The following LRP1B variants were observed in gnomAD, a reference collection of about 807,000 sequenced individuals.
The protein encoded by LRP1B is LDL receptor related protein 1B.
In LRP1B, 217 loss-of-function variants were observed where a neutral mutation model predicts 556.6. The observed-to-expected ratio is 0.39, with a 90% CI of 0.35 to 0.44. The LOEUF is 0.44. LRP1B is among the 20% of genes least tolerant of loss of function. The pLI is 1.00. For synonymous variants in LRP1B, 2,047 were observed against 1,865.8 expected (o/e 1.10, Z -2.50); for missense variants, 5,053 against 5,620.8 (o/e 0.90, Z 3.23).
intron 2 of LRP1B, among the ~76,000 whole-genome samples, chr2:141,661,659 C>T (rs1002720728): frequency 5.9e-5 from 9 of 152,136 alleles, no homozygotes; most frequent in African/African-American, 2.2e-4. Context: ...AGAACAAAAC[C>T]TGCAAGAACT....
At chr2:140,248,088 T>G (rs1269154730) in intron 86 of LRP1B, among the ~76,000 whole-genome samples, 2 of 151,648 alleles carry the variant, frequency 1.3e-5, no homozygotes, top group African/African-American at 4.8e-5. Flanking sequence ...TGGGCCAAAC[T>G]AAATAACTGC....
At chr2:140,470,418 C>T (rs532290277) in intron 60 of LRP1B, among the ~76,000 whole-genome samples, 30 of 151,766 alleles carry the variant, frequency 2.0e-4, no homozygotes, top group African/African-American at 5.6e-4. Flanking sequence ...CCTAGGCGGG[C>T]GAAAATCAAG....
At chr2:140,351,651 T>A (rs1270521112) in intron 76 of LRP1B, among the ~76,000 whole-genome samples, 1 of 151,770 alleles carries the variant, frequency 6.6e-6, no homozygotes, top group African/African-American at 2.4e-5. Context: ...CTAATGTCAT[T>A]TTCATACTAA....
Position 141,477,297 on chromosome 2 carries a change from G to GAAAA in LRP1B, c.343+3098_343+3099insTTTT, listed in dbSNP as rs113202103. 1.4e-3 allele frequency among the ~76,000 whole-genome samples: 197 copies of GAAAA among 143,782 alleles called. 1 individual carries two copies. The highest frequency in any genetic ancestry group is 4.5e-3 in the African/African-American group (176 of 38,874). 94.3% of individuals were successfully genotyped at this position (143,782 alleles called of 152,430 possible). On this transcript the variant is annotated intron_variant, in intron 3 of 90. Transcript: ENST00000389484. ...TAACCGAGTTAGACAGAATTGTTCT[G>GAAAA]GAAAAAAAAAAAAAAGAAAGAATTT...
chr2:141,937,310 G>A (rs928033998), intron 1 of LRP1B, among the ~76,000 whole-genome samples: 1 of 151,762 alleles, frequency 6.6e-6, no homozygotes, highest in Non-Finnish European at 1.5e-5. Flanking sequence ...GCCAGGAGGT[G>A]GAAGGCGGAG....
At chr2:140,488,640 C>CT (rs1688575360) in intron 57 of LRP1B, among the ~76,000 whole-genome samples, 1 of 152,010 alleles carries the variant, frequency 6.6e-6, no homozygotes, top group South Asian at 2.1e-4. Flanking sequence ...TATACATTTA[C>CT]TACCTTAAGG....
chr2:140,709,022 C>A (rs958860069), intron 37 of LRP1B, among the ~76,000 whole-genome samples: 1 of 152,110 alleles, frequency 6.6e-6, no homozygotes, highest in African/African-American at 2.4e-5. Context: ...AGGTGTTAAA[C>A]TGTCAACCAA....
At position 140,364,766 on chromosome 2, in the gene LRP1B, C is replaced by T. The variant is rs1425649289; in HGVS notation, c.11026G>A (p.Ala3676Thr). The T allele has an allele frequency of 1.4e-5, 23 of 1,609,604 alleles. No homozygotes were observed. The highest frequency in any genetic ancestry group is 2.0e-5 in the Non-Finnish European group (23 of 1,177,154). Residue 3676 changes from alanine (A) to threonine (T), a missense_variant, in exon 72 of 91, where the codon GCT (alanine) becomes ACT (threonine). By Grantham distance (58) the Ala-to-Thr change is moderately conservative (BLOSUM62 0). Around this residue, in one of 5 missense-constraint regions of LRP1B, gnomAD observed 599 missense variants for 648.4 expected, o/e 0.92. Coordinates refer to ENST00000389484, the MANE Select transcript of LRP1B (RefSeq NM_018557.3). ...NCERGGNICR[A>T]DEFLCNNSLC... ...GAATTATTGCAAAGGAACTCATCAG[C>T]TCTACATATATTTCCTCCTTTATTT... is the stretch of plus-strand genomic sequence containing the variant.
Position 140,702,431 on chromosome 2 carries a change from T to A in LRP1B, c.6146A>T (p.Tyr2049Phe), listed in dbSNP as rs773179051. Residue 2049 changes from tyrosine (Y) to phenylalanine (F), a missense_variant, in exon 38 of 91, where the codon TAT becomes TTT. This residue lies in a region of LRP1B where 3,619 missense variants were observed against 3,931.9 expected (regional missense o/e 0.92). Transcript: ENST00000389484. ...CTGAAAAGAAATCCAACAGACCTCA[T>A]AGTCGATGGAGATGCCATTCGGCCA... Reference protein sequence around the residue: ...IAWPNGISIDYEENKLYWCDA... With the variant: ...IAWPNGISIDFEENKLYWCDA... 18 of 1,613,478 alleles carry A rather than the reference T, an allele frequency of 1.1e-5. No individual in the cohort carries two copies. The South Asian group carries it at 2.0e-4, about 18-fold the overall frequency.
intron 3 of LRP1B, among the ~76,000 whole-genome samples, chr2:141,420,955 T>C (rs1680113199): frequency 6.6e-6 from 1 of 152,210 alleles, no homozygotes; most frequent in Admixed American, 6.5e-5. Context: ...TCTACCCTGA[T>C]GTTGGGTTGT....
chr2:140,834,161 C>T (rs1417730991), intron 31 of LRP1B, among the ~76,000 whole-genome samples: 1 of 152,208 alleles, frequency 6.6e-6, no homozygotes, highest in Non-Finnish European at 1.5e-5. Context: ...ATGATCCTTA[C>T]TCAATCCTAA....
At chr2:141,349,718 T>C (rs977402622) in intron 3 of LRP1B, among the ~76,000 whole-genome samples, 1 of 152,100 alleles carries the variant, frequency 6.6e-6, no homozygotes, top group South Asian at 2.1e-4. Flanking sequence ...ATTATATGCA[T>C]ACTCTATTCA....
chr2:141,524,121 T>C (rs182048007), intron 2 of LRP1B, among the ~76,000 whole-genome samples: 16 of 152,232 alleles, frequency 1.1e-4, no homozygotes, highest in Non-Finnish European at 1.9e-4. Flanking sequence ...GAACTTAACT[T>C]TCCTCCACTA....
chr2:141,397,493 A>G (rs1465588221), intron 3 of LRP1B, among the ~76,000 whole-genome samples: 1 of 151,914 alleles, frequency 6.6e-6, no homozygotes, highest in African/African-American at 2.4e-5. Context: ...ACACAATATT[A>G]TTTTTTCTAT....
At chr2:141,193,774 TA>T (rs531545490) in intron 6 of LRP1B, among the ~76,000 whole-genome samples, 28 of 147,806 alleles carry the variant, frequency 1.9e-4, no homozygotes, top group East Asian at 5.9e-4. Flanking sequence ...AAATCTTGCT[TA>T]AAAAAAAAAA....
intron 2 of LRP1B, among the ~76,000 whole-genome samples, chr2:141,602,815 C>T (rs6733172): frequency 0.68 from 102,792 of 151,970 alleles, 36,539 homozygotes; most frequent in Non-Finnish European, 0.79. Flanking sequence ...GGTGACAACA[C>T]AAACAATTAG....
intron 51 of LRP1B, among the ~76,000 whole-genome samples, chr2:140,512,596 T>G (rs982095629): frequency 2.6e-5 from 4 of 152,114 alleles, no homozygotes; most frequent in African/African-American, 9.7e-5. Flanking sequence ...CTCAGGAAAA[T>G]GTATTAATTT....
chr2:140,290,993 T>A (rs548470373), intron 84 of LRP1B, among the ~76,000 whole-genome samples: 1 of 152,032 alleles, frequency 6.6e-6, no homozygotes, highest in African/African-American at 2.4e-5. Flanking sequence ...TTTGGACTAA[T>A]AGTATTAATC....
chr2:141,384,918 A>T (rs1247175131), intron 3 of LRP1B, among the ~76,000 whole-genome samples: 1 of 152,112 alleles, frequency 6.6e-6, no homozygotes, highest in African/African-American at 2.4e-5. Flanking sequence ...AAGAACAAAG[A>T]GCTTGTAAAC....
Sources: allele counts gnomAD v4.1 joint callset (sites outside exome capture counted in the v4.1 genomes callset), GRCh38; gene constraint gnomAD v4.1.1; regional missense constraint gnomAD v4.1.1; transcripts MANE v1.5; gene names NCBI Gene and HGNC (gene_info 2026-07-23, HGNC 2026-07-21).